The following MEFV variants were observed in gnomAD, a reference collection of about 807,000 sequenced individuals.
MEFV encodes pyrin.
A neutral mutation model predicts 62.5 loss-of-function variants in MEFV; 60 were observed. The ratio of observed to expected loss-of-function variants is 0.96; its 90% CI spans 0.78 to 1.19. MEFV has a LOEUF of 1.19. Among genes scored for constraint, MEFV ranks in the 50% most tolerant of loss-of-function variants. The probability of loss-of-function intolerance (pLI) is 0.00; values close to 1 mark genes in which losing one functional copy is unlikely to be tolerated. For missense variants in MEFV, 1,169 were observed against 1,004.5 expected (o/e 1.16, Z -2.21); for synonymous variants, 500 against 415.2 (o/e 1.20, Z -2.48).
At chr16:3,243,929 GC>G (rs1298997096) in intron 8 of MEFV, 37 bp from the exon 9 acceptor site, 16 of 1,612,536 alleles carry the variant, frequency 9.9e-6, no homozygotes, top group Admixed American at 1.7e-5. Context: ...AAAATCCTGA[GC>G]ATTAGCATTA....
At chr16:3,252,267 C>T (rs958113593) in intron 2 of MEFV, among the ~76,000 whole-genome samples, 1 of 150,178 alleles carries the variant, frequency 6.7e-6, no homozygotes, top group African/African-American at 2.5e-5. Context: ...CCTGGACTCC[C>T]AATTCTTTTT....
chr16:3,243,266 A>G lies in MEFV; in HGVS notation c.2221T>C (p.Tyr741His). 2 of 1,614,212 alleles carry G rather than the reference A, an allele frequency of 1.2e-6. No homozygotes were observed. The highest frequency in any genetic ancestry group is 1.7e-6 in the Non-Finnish European group (2 of 1,180,040). ...FYNVTARSHI[Y>H]TFASCSFSGP... ...GAGAAAGAGCAGCTGGCGAATGTAT[A>G]GATGTGGGATCTGGCTGTCACATTG... The change falls in exon 10 of 10, where the codon TAT (tyrosine) becomes CAT (histidine). Residue 741 changes from tyrosine (Y) to histidine (H), a missense_variant. Coordinates refer to ENST00000219596, the MANE Select transcript of MEFV (RefSeq NM_000243.3).
chr16:3,255,829 C>T (rs924131544), intron 1 of MEFV, among the ~76,000 whole-genome samples: 1 of 152,016 alleles, frequency 6.6e-6, no homozygotes, highest in Non-Finnish European at 1.5e-5. Context: ...AAGCCGGGCA[C>T]GGTGGCCTAT....
At chr16:3,244,411 G>A in intron 7 of MEFV, 62 bp downstream of exon 7, 1 of 1,590,650 alleles carries the variant, frequency 6.3e-7, no homozygotes. Flanking sequence ...GGGGCTCTGG[G>A]CTATGTGGAT....
intron 5 of MEFV, 113 bp from the exon 6 acceptor site, chr16:3,246,660 G>A (rs751241480): frequency 2.6e-6 from 3 of 1,155,942 alleles, no homozygotes; most frequent in African/African-American, 1.5e-5. Flanking sequence ...ACTTACCAGG[G>A]CTCCCTGCCC....
Position 3,254,158 on chromosome 16 carries a change from C to G in MEFV, c.910G>C (p.Gly304Arg). The change falls in exon 2 of 10, where the codon GGA (glycine) becomes CGA (arginine). Residue 304 changes from glycine (G) to arginine (R), a missense_variant and splice_region_variant. Physicochemically the swap from Gly to Arg is moderately radical, Grantham distance 125. Coordinates refer to ENST00000219596, the MANE Select transcript of MEFV (RefSeq NM_000243.3). ...GPGNPEHSVT[G>R]RPPDTAASPR... ...TAAAGTAGGAAAGAACACAATTTACCGGTGACCGAATGTTCTGGATTTCCA... is the reference window on the plus strand; with the variant it reads ...TAAAGTAGGAAAGAACACAATTTACGGGTGACCGAATGTTCTGGATTTCCA... 6.2e-7 allele frequency: 1 copy of G among 1,613,992 alleles called. No individual in the cohort carries two copies. The highest frequency in any genetic ancestry group is 2.2e-5 in the East Asian group (1 of 44,880).
At chr16:3,246,966 A>T in intron 5 of MEFV, 50 bp downstream of exon 5, 1 of 1,558,216 alleles carries the variant, frequency 6.4e-7, no homozygotes, top group Non-Finnish European at 8.9e-7. Flanking sequence ...AGCCTGAGGC[A>T]TCCTGATAGG....
Position 3,254,422 on chromosome 16 carries a change from G to C in MEFV, c.646C>G (p.Leu216Val), listed in dbSNP as rs757748589. The C allele has an allele frequency of 6.2e-7, 1 of 1,612,532 alleles. No individual in the cohort carries two copies. The highest frequency in any genetic ancestry group is 1.1e-5 in the South Asian group (1 of 91,070). ...TTCTGCCCCGGGGCGCCCCCCGCCA[G>C]CCCCTGCAGCCTCCCCGCGGAGCTG... is the stretch of plus-strand genomic sequence containing the variant. Reference protein sequence around the residue: ...NASSAGRLQGLAGGAPGQKEC... With the variant: ...NASSAGRLQGVAGGAPGQKEC... Residue 216 changes from leucine (L) to valine (V), a missense_variant, in exon 2 of 10, where the codon CTG becomes GTG. Leu to Val is a conservative substitution (Grantham distance 32). Transcript: ENST00000219596.
chr16:3,256,594 G>C lies in MEFV; in HGVS notation c.-7C>G. 1 of 1,614,162 alleles carries C rather than the reference G, an allele frequency of 6.2e-7. No homozygotes were observed. Among genetic ancestry groups the C allele is most frequent in the Non-Finnish European group, 8.5e-7 (1 of 1,180,050 alleles). Reference sequence around the variant, plus strand: ...CACTAGGGGTCTTAGCCATGGTGCTGAGCAGGAGAGGCTCGAGCCAGCTGT... The same window carrying C: ...CACTAGGGGTCTTAGCCATGGTGCTCAGCAGGAGAGGCTCGAGCCAGCTGT... On this transcript the variant is annotated 5_prime_UTR_variant, in exon 1 of 10. Transcript: ENST00000219596.
At position 3,243,117 on chromosome 16, in the gene MEFV, G is replaced by C; in HGVS notation, c.*24C>G. On this transcript the variant is annotated 3_prime_UTR_variant, in exon 10 of 10. Transcript: ENST00000219596. ...ATGCAAGATACAAGGCCAGAAGCAG[G>C]AAGAGAGATGCAGTGTTGGGCATTC... is the stretch of plus-strand genomic sequence containing the variant. 1.2e-6 allele frequency: 2 copies of C among 1,610,942 alleles called. No homozygotes were observed. Among genetic ancestry groups the C allele is most frequent in the Non-Finnish European group, 1.7e-6 (2 of 1,178,544 alleles).
rs756322372 is a variant in MEFV at position 3,248,924 on chromosome 16, C to G, written c.1341G>C (p.Lys447Asn). The G allele has an allele frequency of 9.3e-5, 150 of 1,614,036 alleles. No homozygotes were observed. The highest frequency in any genetic ancestry group is 1.2e-4 in the Non-Finnish European group (143 of 1,179,984). ...GEEQRSYGEE[K>N]AVSFLKQTEA... ...CTGACCTTACCAGAAAGCTCACTGC[C>G]TTCTCCTCCCCATAGGATCGCTGCT... Residue 447 changes from lysine (K) to asparagine (N), a missense_variant, in exon 4 of 10, where the codon AAG (lysine) becomes AAC (asparagine). Physicochemically the swap from Lys to Asn is moderately conservative, Grantham distance 94. Transcript: ENST00000219596.
At chr16:3,245,923 G>A (rs1958936534) in intron 6 of MEFV, among the ~76,000 whole-genome samples, 1 of 152,154 alleles carries the variant, frequency 6.6e-6, no homozygotes, top group Admixed American at 6.5e-5. Flanking sequence ...AAGAAGTCCC[G>A]ATATCCATGA....
rs902893449 is a variant in MEFV, at chr16:3,256,384, C to T, written c.204G>A (p.Gln68=). ...TGGCCCGCAGGACCTGCAGGGTGAG[C>T]TGCACGGCGTACTCTTCCCCATAGT... ...VTYYGEEYAV[Q]LTLQVLRAIN... is the part of the protein sequence containing the mutation. Residue 68 remains glutamine, a synonymous_variant, in exon 1 of 10, where the codon CAG becomes CAA. Transcript: ENST00000219596. 3 of 1,614,046 alleles carry T rather than the reference C, an allele frequency of 1.9e-6. No individual in the cohort carries two copies. The highest frequency in any genetic ancestry group is 2.5e-6 in the Non-Finnish European group (3 of 1,179,960).
rs759448762 is a variant in MEFV, at chr16:3,249,008, G to T, written c.1261-4C>A. 5 of 1,613,936 alleles carry T rather than the reference G, an allele frequency of 3.1e-6. No homozygotes were observed. The Admixed American group carries it at 8.3e-5, about 27-fold the overall frequency. ...CCAGCTGCTTCTGAATTTTCTTCTG[G>T]AAAAACAGCACTTGTTGAAAAGCTT... On this transcript the variant is annotated splice_region_variant and splice_polypyrimidine_tract_variant and intron_variant, in intron 3 of 9. Transcript: ENST00000219596.
In MEFV at chr16:3,244,625, G is replaced by A. The variant is rs1374259084; in HGVS notation, c.1611-37C>T. 2.6e-6 allele frequency: 4 copies of A among 1,532,032 alleles called. No homozygotes were observed. In the South Asian group the frequency reaches 3.4e-5, roughly 13 times the overall value. The allele number at this position is 1,532,032 out of a possible 1,614,324, so 94.9% of individuals were successfully genotyped here. Reference sequence around the variant, plus strand: ...AGACTGTTGACCAGAGAAGGCCGGAGCGAGGGGGTGGCCCAAGTACCCGTG... The same window carrying A: ...AGACTGTTGACCAGAGAAGGCCGGAACGAGGGGGTGGCCCAAGTACCCGTG... On this transcript the variant is annotated intron_variant, in intron 6 of 9. Coordinates refer to ENST00000219596, the MANE Select transcript of MEFV (RefSeq NM_000243.3).
At chr16:3,244,351 G>A (rs892706241) in intron 7 of MEFV, 65 bp from the exon 8 acceptor site, 1 of 1,612,354 alleles carries the variant, frequency 6.2e-7, no homozygotes, top group African/African-American at 1.3e-5. Flanking sequence ...GACAGATGGA[G>A]GAGAGGTTGA....
At position 3,249,004 on chromosome 16, in the gene MEFV, T is replaced by A; in HGVS notation, c.1261A>T (p.Lys421Ter). 1 of 1,614,140 alleles carries A rather than the reference T, an allele frequency of 6.2e-7. No individual in the cohort carries two copies. Residue 421 changes from lysine to a stop codon, truncating the protein, a stop_gained and splice_region_variant, in exon 4 of 10, where the codon AAG (lysine) becomes TAG (stop). Coordinates refer to ENST00000219596, the MANE Select transcript of MEFV (RefSeq NM_000243.3). LOFTEE classifies it high-confidence loss of function. ...TGCTCCAGCTGCTTCTGAATTTTCT[T>A]CTGGAAAAACAGCACTTGTTGAAAA... is the stretch of plus-strand genomic sequence containing the variant. The part of the protein sequence containing the change: ...PIEEVALEHK[K>*]KIQKQLEHLK...
chr16:3,256,584 C>A lies in MEFV; in HGVS notation c.4G>T (p.Ala2Ser), dbSNP rs1242183891. M[A>S]KTPSDHLLST... Reference sequence around the variant, plus strand: ...AGCAGATGGTCACTAGGGGTCTTAGCCATGGTGCTGAGCAGGAGAGGCTCG... The same window carrying A: ...AGCAGATGGTCACTAGGGGTCTTAGACATGGTGCTGAGCAGGAGAGGCTCG... The change falls in exon 1 of 10, where the codon GCT becomes TCT. Residue 2 changes from alanine (A) to serine (S), a missense_variant. Coordinates refer to ENST00000219596, the MANE Select transcript of MEFV (RefSeq NM_000243.3). The A allele has an allele frequency of 6.2e-7, 1 of 1,614,168 alleles. No homozygotes were observed. Among genetic ancestry groups the A allele is most frequent in the East Asian group, 2.2e-5 (1 of 44,890 alleles).
chr16:3,245,651 A>C (rs1054287522), intron 6 of MEFV, among the ~76,000 whole-genome samples: 12 of 151,818 alleles, frequency 7.9e-5, no homozygotes, highest in African/African-American at 2.9e-4. Flanking sequence ...AAAGAGAGAG[A>C]GAGAGAGTGA....
Sources: gnomAD v4.1 joint callset for allele counts (sites outside exome capture counted in the v4.1 genomes callset) on GRCh38, gnomAD v4.1.1 for gene constraint, MANE v1.5 for transcripts, NCBI Gene and HGNC (gene_info 2026-07-23, HGNC 2026-07-21) for gene names.